IDO2: variants seen among roughly 807,000 people sequenced by gnomAD.
IDO2 encodes the protein indoleamine 2,3-dioxygenase-like 1 protein.
In IDO2, 46 loss-of-function variants were observed where a neutral mutation model predicts 45.1. That is an observed-to-expected ratio of 1.02 (90% CI 0.80 to 1.30). The LOEUF (loss-of-function observed/expected upper bound fraction) is 1.30, where lower values mean the gene tolerates loss of function less well. Among genes scored for constraint, IDO2 ranks in the 50% most tolerant of loss-of-function variants. IDO2 has a pLI of 0.00. For missense variants in IDO2, 544 were observed against 491.8 expected, an observed-to-expected ratio of 1.11 and a Z score of -1.00; for synonymous variants, 218 against 184.9, an observed-to-expected ratio of 1.18 and a Z score of -1.45.
At chr8:40,012,470 A>C (rs1000294856) in intron 9 of IDO2, among the ~76,000 whole-genome samples, 16 of 152,182 alleles carry the variant, frequency 1.1e-4, no homozygotes, top group Admixed American at 9.2e-4. Context: ...ATTTAAAAAA[A>C]CTCCAAAAAT....
chr8:39,981,709 C>G (rs771763399), intron 4 of IDO2, among the ~76,000 whole-genome samples: 1 of 151,888 alleles, frequency 6.6e-6, no homozygotes, highest in Non-Finnish European at 1.5e-5. Flanking sequence ...GTTTTCCACC[C>G]GAGAAAAAAT....
chr8:39,962,950 T>G (rs1808021846), intron 2 of IDO2, among the ~76,000 whole-genome samples: 1 of 152,222 alleles, frequency 6.6e-6, no homozygotes. Context: ...GGTGAGCCAA[T>G]AGGGGAAGTT....
At chr8:39,942,238 T>A (rs7832080) in intron 1 of IDO2, among the ~76,000 whole-genome samples, 1 of 151,832 alleles carries the variant, frequency 6.6e-6, no homozygotes, top group Non-Finnish European at 1.5e-5. Context: ...ATAAACATTA[T>A]GGATTTCCTG....
At chr8:39,972,355 C>A (rs543563703) in intron 3 of IDO2, among the ~76,000 whole-genome samples, 3 of 151,930 alleles carry the variant, frequency 2.0e-5, no homozygotes, top group Non-Finnish European at 2.9e-5. Context: ...TGGTGGCTCA[C>A]GCCAGCACTT....
intron 2 of IDO2, among the ~76,000 whole-genome samples, chr8:39,962,539 G>A (rs557213086): frequency 1.3e-3 from 203 of 152,264 alleles, no homozygotes; most frequent in African/African-American, 4.8e-3. Flanking sequence ...CTGCTCCTCA[G>A]CTCAGCGAAA....
intron 2 of IDO2, among the ~76,000 whole-genome samples, chr8:39,950,554 C>T (rs1807799103): frequency 6.6e-6 from 1 of 152,100 alleles, no homozygotes. Flanking sequence ...GATCTCTCAG[C>T]AAAAGGACCT....
chr8:39,936,778 T>C (rs1807558896), intron 1 of IDO2, among the ~76,000 whole-genome samples: 1 of 152,168 alleles, frequency 6.6e-6, no homozygotes, highest in South Asian at 2.1e-4. Context: ...TGAAGATAAA[T>C]TTGGTCCATG....
chr8:39,989,759 C>G (rs1446759521), exon 8 of IDO2: 1 of 1,603,006 alleles, frequency 6.2e-7, no homozygotes, highest in African/African-American at 1.3e-5. Flanking sequence ...TGCAGCCCAA[C>G]CAGGAGGCCC....
chr8:39,979,043 C>A, intron 3 of IDO2, 24 bp from the exon 4 acceptor site: 1 of 1,560,020 alleles, frequency 6.4e-7, no homozygotes, highest in Non-Finnish European at 8.7e-7. Flanking sequence ...CCTCCTCTGA[C>A]GGCATTTGGA....
intron 3 of IDO2, among the ~76,000 whole-genome samples, chr8:39,978,515 T>C (rs1808295210): frequency 6.6e-6 from 1 of 152,056 alleles, no homozygotes; most frequent in Non-Finnish European, 1.5e-5. Flanking sequence ...GTCTTCCCCA[T>C]TATGGCAACA....
chr8:40,000,281 G>A (rs72630566), intron 8 of IDO2, among the ~76,000 whole-genome samples: 13,083 of 151,912 alleles, frequency 0.086, 659 homozygotes, highest in Middle Eastern at 0.15. Flanking sequence ...GCGTAGTGGC[G>A]TGCCTGTAGT....
At chr8:39,980,322 T>A (rs2129594417) in intron 4 of IDO2, among the ~76,000 whole-genome samples, 1 of 152,230 alleles carries the variant, frequency 6.6e-6, no homozygotes, top group Non-Finnish European at 1.5e-5. Flanking sequence ...AGAACCCAGG[T>A]CTTCTGATTT....
chr8:39,938,217 A>T (rs1311939285), intron 1 of IDO2, among the ~76,000 whole-genome samples: 1 of 152,046 alleles, frequency 6.6e-6, no homozygotes, highest in East Asian at 1.9e-4. Context: ...CTGAGGTGGG[A>T]CAATCACTTA....
chr8:39,942,218 T>C (rs965302560), intron 1 of IDO2, among the ~76,000 whole-genome samples: 13 of 152,256 alleles, frequency 8.5e-5, no homozygotes, highest in South Asian at 2.1e-4. Flanking sequence ...CATCATGTAA[T>C]GTCTCTGGGA....
intron 8 of IDO2, among the ~76,000 whole-genome samples, chr8:39,996,574 G>C (rs1802049714): frequency 1.3e-5 from 2 of 152,008 alleles, no homozygotes; most frequent in African/African-American, 4.8e-5. Flanking sequence ...CCCGGGCCCA[G>C]CCGTCTTTTA....
intron 9 of IDO2, 25 bp from the exon 10 acceptor site, chr8:40,013,540 T>C (rs1196311842): frequency 1.2e-6 from 2 of 1,604,804 alleles, no homozygotes; most frequent in South Asian, 1.1e-5. Context: ...ACCCCTTTCA[T>C]CTCTCTCACT....
At position 40,015,182 on chromosome 8, in the gene IDO2, A is replaced by C. The variant is rs551025152; in HGVS notation, c.869-65A>C. The C allele has an allele frequency of 1.7e-5, 16 of 957,524 alleles. No individual in the cohort carries two copies. In the African/African-American group the frequency reaches 2.5e-4, roughly 15 times the overall value. 59.3% of individuals were successfully genotyped at this position (957,524 alleles called of 1,614,324 possible). ...GAAAAAAAAAATAAAAAAGAAGAAGAAGCAGACGAGCTCTGCTATATTTCC... is the reference window on the plus strand; with the variant it reads ...GAAAAAAAAAATAAAAAAGAAGAAGCAGCAGACGAGCTCTGCTATATTTCC... On this transcript the variant is annotated intron_variant, in intron 10 of 10. Transcript: ENST00000502986.
intron 3 of IDO2, among the ~76,000 whole-genome samples, chr8:39,974,271 T>C (rs985479216): frequency 1.3e-5 from 2 of 152,170 alleles, no homozygotes; most frequent in Admixed American, 1.3e-4. Context: ...ACTAAACATA[T>C]GACAGGGTGA....
intron 4 of IDO2, among the ~76,000 whole-genome samples, chr8:39,982,287 C>T (rs1182170907): frequency 6.6e-6 from 1 of 150,978 alleles, no homozygotes; most frequent in Non-Finnish European, 1.5e-5. Context: ...CATCTACTTA[C>T]CTATCTATCA....
Sources: gnomAD v4.1 joint callset for allele counts (sites outside exome capture counted in the v4.1 genomes callset) on GRCh38, gnomAD v4.1.1 for gene constraint, MANE v1.5 for transcripts, NCBI Gene and HGNC (gene_info 2026-07-23, HGNC 2026-07-21) for gene names.